Variants in USP34 observed in about 807,000 individuals in gnomAD.
USP34 encodes the protein ubiquitin carboxyl-terminal hydrolase 34.
Under a neutral mutation model 460.3 loss-of-function variants are expected in USP34, and 70 were observed. That is an observed-to-expected ratio of 0.15 (90% CI 0.13 to 0.19). USP34 has a LOEUF of 0.19. Among genes scored for constraint, USP34 ranks in the 10% least tolerant of loss-of-function variants. USP34 has a pLI of 1.00. For missense variants in USP34, 3,985 were observed against 4,236.2 expected, an observed-to-expected ratio of 0.94 and a Z score of 1.65; for synonymous variants, 1,647 against 1,405.3, an observed-to-expected ratio of 1.17 and a Z score of -3.85.
At chr2:61,234,700 G>T (rs1463280261) in intron 57 of USP34, among the ~76,000 whole-genome samples, 1 of 152,128 alleles carries the variant, frequency 6.6e-6, no homozygotes, top group Non-Finnish European at 1.5e-5. Context: ...GAGTGCAGTG[G>T]TGTGATCTCA....
At chr2:61,356,711 T>C (rs2103801682) in intron 10 of USP34, among the ~76,000 whole-genome samples, 1 of 152,238 alleles carries the variant, frequency 6.6e-6, no homozygotes, top group Middle Eastern at 3.4e-3. Context: ...CCAAAGTTGA[T>C]GAGAGGGGAA....
At chr2:61,233,516 T>C (rs942045694) in intron 57 of USP34, among the ~76,000 whole-genome samples, 1 of 151,980 alleles carries the variant, frequency 6.6e-6, no homozygotes, top group Non-Finnish European at 1.5e-5. Flanking sequence ...ATAGGATGGG[T>C]ATTAGATGAC....
intron 2 of USP34, among the ~76,000 whole-genome samples, chr2:61,413,330 G>A (rs1271084801): frequency 5.9e-5 from 9 of 152,202 alleles, no homozygotes; most frequent in Non-Finnish European, 1.0e-4. Flanking sequence ...GGCGGAGGCT[G>A]CAGTGAGCCA....
At chr2:61,384,004 G>GT (rs1216454133) in intron 5 of USP34, among the ~76,000 whole-genome samples, 1 of 152,120 alleles carries the variant, frequency 6.6e-6, no homozygotes, top group African/African-American at 2.4e-5. Flanking sequence ...CACTGTATTA[G>GT]TTTTTTAATA....
intron 1 of USP34, among the ~76,000 whole-genome samples, chr2:61,429,278 T>A (rs1021832970): frequency 3.3e-5 from 5 of 152,002 alleles, no homozygotes; most frequent in African/African-American, 1.2e-4. Flanking sequence ...AAACCCCGTC[T>A]CTACTAAAAA....
intron 41 of USP34, among the ~76,000 whole-genome samples, chr2:61,269,637 T>C (rs1433662038): frequency 4.6e-5 from 7 of 152,130 alleles, no homozygotes; most frequent in Non-Finnish European, 4.4e-5. Flanking sequence ...ACCTAGGTTT[T>C]TCAAGATTAA....
intron 3 of USP34, among the ~76,000 whole-genome samples, chr2:61,401,619 G>C (rs1693723119): frequency 1.5e-5 from 2 of 130,742 alleles, no homozygotes; most frequent in South Asian, 5.1e-4. Context: ...CACGATCTCA[G>C]CTCACTGCAA....
intron 1 of USP34, among the ~76,000 whole-genome samples, chr2:61,439,807 C>T (rs1362430483): frequency 6.6e-6 from 1 of 152,176 alleles, no homozygotes; most frequent in Admixed American, 6.5e-5. Flanking sequence ...TACCCTGTCA[C>T]TATGTGGGTC....
Position 61,284,814 on chromosome 2 carries a change from G to A in USP34, c.4832+61C>T. On this transcript the variant is annotated intron_variant, in intron 35 of 79. Coordinates refer to ENST00000398571, the MANE Select transcript of USP34 (RefSeq NM_014709.4). Reference sequence around the variant, plus strand: ...TAAGTTTAGAATTTTTCAAAATAAAGTTTTAAAACATTATATTCCTGCTAT... The same window carrying A: ...TAAGTTTAGAATTTTTCAAAATAAAATTTTAAAACATTATATTCCTGCTAT... 4.4e-6 allele frequency: 6 copies of A among 1,351,064 alleles called. No individual in the cohort carries two copies. In the East Asian group the frequency reaches 9.9e-5, roughly 22 times the overall value. 83.7% of individuals were successfully genotyped at this position (1,351,064 alleles called of 1,614,324 possible). A position where few individuals can be genotyped will look rare whatever the true frequency, so the allele number is the denominator to read the frequency against.
In USP34 at chr2:61,301,381, A is replaced by G; in HGVS notation, c.3891T>C (p.Leu1297=). The change falls in exon 28 of 80, where the codon CTT becomes CTC. Residue 1297 remains leucine (L), a synonymous_variant. Transcript: ENST00000398571. ...GCATATCCTTAAAACCAAGCTCATG[A>G]AGTGCTTTTTCATCATAATCTGTTG... The part of the protein sequence containing the change: ...ELTTDYDEKA[L]HELGFKDMQM... The G allele has an allele frequency of 4.3e-6, 7 of 1,614,006 alleles. No individual in the cohort carries two copies. The highest frequency in any genetic ancestry group is 5.9e-6 in the Non-Finnish European group (7 of 1,179,976).
At chr2:61,358,228 G>A (rs1291487326) in intron 10 of USP34, among the ~76,000 whole-genome samples, 2 of 131,720 alleles carry the variant, frequency 1.5e-5, no homozygotes, top group South Asian at 3.1e-4. Context: ...AAATAAGAAT[G>A]TTAATAGAGA....
chr2:61,262,130 T>TAGATAG (rs1553359528), intron 43 of USP34, among the ~76,000 whole-genome samples: 36 of 113,690 alleles, frequency 3.2e-4, no homozygotes, highest in South Asian at 7.5e-4. Flanking sequence ...TATATATATA[T>TAGATAG]ATAGATAGAT....
intron 6 of USP34, among the ~76,000 whole-genome samples, chr2:61,381,729 C>A (rs965751341): frequency 2.6e-5 from 4 of 152,168 alleles, no homozygotes; most frequent in Non-Finnish European, 4.4e-5. Context: ...CACCTCTACT[C>A]TTTTCCTGTA....
In USP34 at chr2:61,246,456, T is replaced by A. The variant is rs1192829826; in HGVS notation, c.6416A>T (p.His2139Leu). Residue 2139 changes from histidine to leucine, a missense_variant, in exon 50 of 80, where the codon CAT becomes CTT. Physicochemically the swap from His to Leu is moderately conservative, Grantham distance 99 (BLOSUM62 -3). This residue lies in a region of USP34 where 70 missense variants were observed against 78.1 expected (regional missense o/e 0.90). Coordinates refer to ENST00000398571, the MANE Select transcript of USP34 (RefSeq NM_014709.4). The stretch of plus-strand genomic sequence containing the variant: ...TTCATAGCTCTCTGAGTCTTTTGAA[T>A]GATCACTGACTTCTTTAAAACCTGA... ...RKEGFKEVSD[H>L]SKDSESYEYD... 3 of 1,585,516 alleles carry A rather than the reference T, an allele frequency of 1.9e-6. No individual in the cohort carries two copies. Among genetic ancestry groups the A allele is most frequent in the Admixed American group, 3.5e-5 (2 of 56,450 alleles).
intron 76 of USP34, among the ~76,000 whole-genome samples, chr2:61,191,947 G>C (rs970835285): frequency 3.3e-5 from 5 of 152,206 alleles, no homozygotes; most frequent in Admixed American, 2.0e-4. Context: ...GCCTCTGAAA[G>C]ATTTCTACTG....
chr2:61,363,186 AT>A (rs928675258), intron 10 of USP34, among the ~76,000 whole-genome samples: 18 of 152,072 alleles, frequency 1.2e-4, no homozygotes. Context: ...GGATAGCTGA[AT>A]TTTTTTTCAA....
intron 69 of USP34, 140 bp downstream of exon 69, chr2:61,211,632 G>A (rs1411155393): frequency 4.3e-6 from 4 of 937,538 alleles, no homozygotes; most frequent in Non-Finnish European, 5.9e-6. Context: ...TTTAAAAGTA[G>A]TTCATGAACC....
At chr2:61,228,041 T>G (rs963220585) in intron 61 of USP34, among the ~76,000 whole-genome samples, 3 of 152,204 alleles carry the variant, frequency 2.0e-5, no homozygotes, top group African/African-American at 7.2e-5. Context: ...AAACAGTGTT[T>G]AAGAGTTTTA....
intron 20 of USP34, among the ~76,000 whole-genome samples, chr2:61,330,773 TA>T (rs1691236176): frequency 6.6e-6 from 1 of 150,730 alleles, no homozygotes; most frequent in Non-Finnish European, 1.5e-5. Flanking sequence ...ATCACTTGAA[TA>T]TATCCAGAGA....
Sources: gnomAD v4.1 joint callset for allele counts (sites outside exome capture counted in the v4.1 genomes callset) on GRCh38, gnomAD v4.1.1 for gene constraint, gnomAD v4.1.1 regional missense constraint, MANE v1.5 for transcripts, NCBI Gene and HGNC (gene_info 2026-07-23, HGNC 2026-07-21) for gene names.